Variants in TEK observed in about 807,000 individuals in gnomAD.
TEK encodes angiopoietin-1 receptor.
In TEK, 43 loss-of-function variants were observed where a neutral mutation model predicts 131.8. The ratio of observed to expected loss-of-function variants is 0.33; its 90% CI spans 0.26 to 0.42. The LOEUF (loss-of-function observed/expected upper bound fraction) is 0.42, where lower values mean the gene tolerates loss of function less well. Among genes scored for constraint, TEK ranks in the 10% least tolerant of loss-of-function variants. The pLI is 1.00. For missense variants in TEK, 1,162 were observed against 1,384.4 expected (o/e 0.84, Z 2.55); for synonymous variants, 580 against 491.6 (o/e 1.18, Z -2.38).
At chr9:27,196,160 T>C (rs955111754) in intron 11 of TEK, among the ~76,000 whole-genome samples, 2 of 152,244 alleles carry the variant, frequency 1.3e-5, no homozygotes, top group African/African-American at 4.8e-5. Flanking sequence ...ACTGTTTTGA[T>C]TTTTATCAGT....
At chr9:27,182,379 A>G (rs1824413015) in intron 7 of TEK, among the ~76,000 whole-genome samples, 1 of 152,180 alleles carries the variant, frequency 6.6e-6, no homozygotes, top group Non-Finnish European at 1.5e-5. Flanking sequence ...TTCAATTCCT[A>G]TTCAAATAGC....
chr9:27,173,323 TC>T lies in TEK; in HGVS notation c.864del (p.Cys289ValfsTer60). On this transcript the variant is annotated frameshift_variant, in exon 6 of 23. Coordinates refer to ENST00000380036, the MANE Select transcript of TEK (RefSeq NM_000459.5). LOFTEE classifies it high-confidence loss of function. The part of the protein sequence containing the change: ...VFCLPDPYGC[S>X]CATGWKGLQC... ...CTGTCTCCCTGACCCCTATGGGTGT[TC>T]CTGTGCCACAGGCTGGAAGGGTCTG... The T allele has an allele frequency of 6.2e-7, 1 of 1,614,062 alleles. No homozygotes were observed. Among genetic ancestry groups the T allele is most frequent in the South Asian group, 1.1e-5 (1 of 91,084 alleles).
intron 12 of TEK, among the ~76,000 whole-genome samples, chr9:27,201,611 A>C (rs1257722663): frequency 6.6e-6 from 1 of 152,192 alleles, no homozygotes; most frequent in East Asian, 1.9e-4. Flanking sequence ...TCAGATTTGG[A>C]AGGTTCTAAA....
chr9:27,188,556 C>T (rs1000190593), intron 9 of TEK, among the ~76,000 whole-genome samples: 3 of 152,136 alleles, frequency 2.0e-5, no homozygotes, highest in African/African-American at 7.2e-5. Flanking sequence ...AATTTACTTA[C>T]AGCACTGCCC....
At chr9:27,128,324 C>T (rs1564043684) in intron 1 of TEK, among the ~76,000 whole-genome samples, 1 of 152,066 alleles carries the variant, frequency 6.6e-6, no homozygotes, top group Non-Finnish European at 1.5e-5. Context: ...CTTTTCTGTT[C>T]CATTGGTCTA....
At chr9:27,148,694 G>A (rs771291556) in intron 1 of TEK, among the ~76,000 whole-genome samples, 25 of 152,234 alleles carry the variant, frequency 1.6e-4, no homozygotes, top group African/African-American at 4.8e-5. Context: ...TTGATGGAAT[G>A]AAATGCAAAA....
In TEK at chr9:27,197,515, G is replaced by C. The variant is rs980201141; in HGVS notation, c.1825G>C (p.Glu609Gln). Residue 609 changes from glutamate (E) to glutamine (Q), a missense_variant, in exon 12 of 23, where the codon GAG (glutamate) becomes CAG (glutamine). By Grantham distance (29) the Glu-to-Gln change is conservative (BLOSUM62 2). This residue lies in a region of TEK where 477 missense variants were observed against 471.0 expected (regional missense o/e 1.01). Transcript: ENST00000380036. The stretch of plus-strand genomic sequence containing the variant: ...GCTACTTAACAACTTACATCCCAGG[G>C]AGCAGTACGTGGTCCGAGCTAGAGT... ...SVLLNNLHPR[E>Q]QYVVRARVNT... 6.2e-7 allele frequency: 1 copy of C among 1,613,940 alleles called. No homozygotes were observed. Among genetic ancestry groups the C allele is most frequent in the Non-Finnish European group, 8.5e-7 (1 of 1,180,002 alleles).
intron 21 of TEK, among the ~76,000 whole-genome samples, chr9:27,227,465 G>A (rs1400409526): frequency 1.3e-5 from 2 of 152,130 alleles, no homozygotes; most frequent in Admixed American, 1.3e-4. Flanking sequence ...CCATAAACAT[G>A]GTGGCTTATA....
At position 27,227,742 on chromosome 9, in the gene TEK, T is replaced by C. The variant is rs574038750; in HGVS notation, c.3201-464T>C. On this transcript the variant is annotated intron_variant, in intron 21 of 22. Transcript: ENST00000380036. ...CATCACATGGTTTCAACACATGATT[T>C]TTGGGTGGCATGAACATTCAGTCCA... Among the ~76,000 whole-genome samples the C allele has an allele frequency of 5.3e-5, 8 of 152,270 alleles. No individual in the cohort carries two copies. The South Asian group carries it at 1.7e-3, about 32-fold the overall frequency.
chr9:27,212,639 G>A lies in TEK; in HGVS notation c.2687-68G>A, dbSNP rs1587026324. 4 of 1,559,696 alleles carry A rather than the reference G, an allele frequency of 2.6e-6. No homozygotes were observed. In the East Asian group the frequency reaches 9.0e-5, roughly 35 times the overall value. On this transcript the variant is annotated intron_variant, in intron 16 of 22. Transcript: ENST00000380036. Reference sequence around the variant, plus strand: ...ATGGAGTTTATAGGCAATTTCCACAGCACATCTCTTAAATGTCATAGCTGT... The same window carrying A: ...ATGGAGTTTATAGGCAATTTCCACAACACATCTCTTAAATGTCATAGCTGT...
intron 18 of TEK, among the ~76,000 whole-genome samples, chr9:27,216,970 G>T (rs886218980): frequency 6.6e-6 from 1 of 152,118 alleles, no homozygotes; most frequent in Non-Finnish European, 1.5e-5. Flanking sequence ...AGGAAACTAG[G>T]AATAAAACTT....
At chr9:27,183,730 C>G in intron 8 of TEK, 120 bp downstream of exon 8, 1 of 1,391,806 alleles carries the variant, frequency 7.2e-7, no homozygotes, top group Non-Finnish European at 1.0e-6. Flanking sequence ...GTGTTGTTGG[C>G]TTTGATAAAA....
At chr9:27,216,700 C>T (rs1188731483) in intron 18 of TEK, among the ~76,000 whole-genome samples, 2 of 152,192 alleles carry the variant, frequency 1.3e-5, no homozygotes, top group Non-Finnish European at 2.9e-5. Flanking sequence ...GAGACAATTG[C>T]ACATTCAGGA....
At chr9:27,135,639 T>G (rs1822396867) in intron 1 of TEK, among the ~76,000 whole-genome samples, 2 of 152,182 alleles carry the variant, frequency 1.3e-5, no homozygotes, top group Non-Finnish European at 2.9e-5. Context: ...ACCACCAGCT[T>G]CATTTTACAG....
chr9:27,217,536 T>C (rs1395959894), intron 18 of TEK, 152 bp from the exon 19 acceptor site: 6 of 705,960 alleles, frequency 8.5e-6, no homozygotes, highest in Non-Finnish European at 1.5e-5. Flanking sequence ...TTGCATGTTT[T>C]GAAATTTGAA....
intron 21 of TEK, 138 bp from the exon 22 acceptor site, chr9:27,228,068 G>T (rs761456829): frequency 7.9e-5 from 50 of 635,450 alleles, no homozygotes; most frequent in Admixed American, 5.9e-4. Flanking sequence ...AGTCCTCATA[G>T]AAACTTCCTA....
At chr9:27,224,030 G>T (rs1182108175) in intron 21 of TEK, among the ~76,000 whole-genome samples, 1 of 152,124 alleles carries the variant, frequency 6.6e-6, no homozygotes, top group Admixed American at 6.6e-5. Flanking sequence ...ATAAATTCAT[G>T]GACACATACA....
intron 2 of TEK, among the ~76,000 whole-genome samples, chr9:27,164,605 A>C (rs947131318): frequency 4.6e-5 from 7 of 152,024 alleles, no homozygotes; most frequent in African/African-American, 7.2e-5. Flanking sequence ...AGGCGTGAGC[A>C]ACTACGCCTG....
In TEK at chr9:27,197,381, A is replaced by T. The variant is rs1251038300; in HGVS notation, c.1691A>T (p.Gln564Leu). The T allele has an allele frequency of 6.2e-7, 1 of 1,614,062 alleles. No individual in the cohort carries two copies. Among genetic ancestry groups the T allele is most frequent in the African/African-American group, 1.3e-5 (1 of 74,938 alleles). The change falls in exon 12 of 23, where the codon CAA (glutamine) becomes CTA (leucine). Residue 564 changes from glutamine (Q) to leucine (L), a missense_variant. Physicochemically the swap from Gln to Leu is moderately radical, Grantham distance 113. This residue lies in a region of TEK where 477 missense variants were observed against 471.0 expected (regional missense o/e 1.01). Coordinates refer to ENST00000380036, the MANE Select transcript of TEK (RefSeq NM_000459.5). ...KSQTTLNLTW[Q>L]PIFPSSEDDF... ...CAGACCACTCTAAATTTGACCTGGC[A>T]ACCAATATTTCCAAGCTCGGAAGAT...
Sources: gnomAD v4.1 joint callset for allele counts (sites outside exome capture counted in the v4.1 genomes callset) on GRCh38, gnomAD v4.1.1 for gene constraint, gnomAD v4.1.1 regional missense constraint, MANE v1.5 for transcripts, NCBI Gene and HGNC (gene_info 2026-07-23, HGNC 2026-07-21) for gene names.